Variants in CEMIP observed in about 807,000 individuals in gnomAD.
CEMIP encodes the protein cell migration inducing hyaluronidase 1, also known as cell migration-inducing and hyaluronan-binding protein.
Under a neutral mutation model 156.9 loss-of-function variants are expected in CEMIP, and 105 were observed. That is an observed-to-expected ratio of 0.67 (90% CI 0.57 to 0.79). The LOEUF (loss-of-function observed/expected upper bound fraction) is 0.79. Among genes scored for constraint, CEMIP ranks in the 30% least tolerant of loss-of-function variants. The probability of loss-of-function intolerance (pLI) is 0.00; values close to 1 mark genes in which losing one functional copy is unlikely to be tolerated. For synonymous variants in CEMIP, 676 were observed against 668.4 expected, an observed-to-expected ratio of 1.01 and a Z score of -0.17; for missense variants, 1,457 against 1,769.4, an observed-to-expected ratio of 0.82 and a Z score of 3.17.
Position 80,936,808 on chromosome 15 carries a change from C to T in CEMIP, c.3144C>T (p.Thr1048=). ...THYQQYQPVV[T]LQKGYTIHWD... ...ACCAGCAATACCAACCGGTTGTCAC[C>T]CTGCAGAAGGGCTACACCATCCACT... Residue 1048 remains threonine (T), a synonymous_variant, in exon 24 of 30, where the codon ACC becomes ACT. Transcript: ENST00000394685. 6.2e-7 allele frequency: 1 copy of T among 1,614,156 alleles called. No homozygotes were observed. Among genetic ancestry groups the T allele is most frequent in the Non-Finnish European group, 8.5e-7 (1 of 1,180,046 alleles).
At chr15:80,831,738 T>G (rs1208446729) in intron 1 of CEMIP, among the ~76,000 whole-genome samples, 1 of 152,198 alleles carries the variant, frequency 6.6e-6, no homozygotes, top group East Asian at 1.9e-4. Flanking sequence ...CCAGAGGGGT[T>G]CATGCTGGGC....
chr15:80,905,970 G>A (rs936317502), intron 12 of CEMIP, among the ~76,000 whole-genome samples: 3 of 152,186 alleles, frequency 2.0e-5, no homozygotes, highest in African/African-American at 7.2e-5. Context: ...CACAGTGGTG[G>A]ATGCAGAAGC....
intron 1 of CEMIP, among the ~76,000 whole-genome samples, chr15:80,781,234 A>T (rs1345920295): frequency 2.0e-5 from 3 of 152,218 alleles, no homozygotes; most frequent in Non-Finnish European, 4.4e-5. Flanking sequence ...TGGGATTGGG[A>T]GGATATATTA....
chr15:80,946,985 C>A lies in CEMIP; in HGVS notation c.3878C>A (p.Ser1293Ter). 6.2e-7 allele frequency: 1 copy of A among 1,613,488 alleles called. No homozygotes were observed. Among genetic ancestry groups the A allele is most frequent in the Non-Finnish European group, 8.5e-7 (1 of 1,179,428 alleles). Residue 1293 changes from serine (S) to a stop codon, truncating the protein, a stop_gained, in exon 29 of 30, where the codon TCA becomes TAA. Coordinates refer to ENST00000394685, the MANE Select transcript of CEMIP (RefSeq NM_001293298.2). LOFTEE classifies it high-confidence loss of function. Reference sequence around the variant, plus strand: ...CACAGTTCCATAGTGCTTATGGCATCAAAGGGAAGATACGTCTCCAGAGGC... The same window carrying A: ...CACAGTTCCATAGTGCTTATGGCATAAAAGGGAAGATACGTCTCCAGAGGC... ...IPDNSIVLMA[S>*]KGRYVSRGPW...
chr15:80,926,370 A>T (rs1900668946), intron 19 of CEMIP, among the ~76,000 whole-genome samples: 1 of 152,164 alleles, frequency 6.6e-6, no homozygotes, highest in South Asian at 2.1e-4. Flanking sequence ...TGGAGCTGGG[A>T]TTTGTTTTCA....
chr15:80,884,428 T>C, intron 7 of CEMIP, 74 bp downstream of exon 7: 1 of 1,478,446 alleles, frequency 6.8e-7, no homozygotes, highest in Non-Finnish European at 9.4e-7. Flanking sequence ...GAATTTACCT[T>C]TCCCATCTCC....
intron 1 of CEMIP, among the ~76,000 whole-genome samples, chr15:80,873,005 C>T (rs987763242): frequency 1.3e-5 from 2 of 152,162 alleles, no homozygotes; most frequent in African/African-American, 2.4e-5. Flanking sequence ...CCAGCCATCA[C>T]ATCTTCTTTC....
chr15:80,809,350 A>G (rs1896600095), intron 1 of CEMIP, among the ~76,000 whole-genome samples: 2 of 152,238 alleles, frequency 1.3e-5, no homozygotes, highest in African/African-American at 4.8e-5. Flanking sequence ...ATGTTTATTT[A>G]TATGGGAAAA....
rs533807135 is a variant in CEMIP, at chr15:80,951,719, C to T, written c.*2795C>T. 3 of 153,034 alleles carry T rather than the reference C, an allele frequency of 2.0e-5. No individual in the cohort carries two copies. The East Asian group carries it at 5.8e-4, about 29-fold the overall frequency. 9.5% of individuals were successfully genotyped at this position (153,034 alleles called of 1,614,324 possible). On this transcript the variant is annotated 3_prime_UTR_variant, in exon 30 of 30. Transcript: ENST00000394685. ...GTGTACCTAGAGCCAAGGAAATTGG[C>T]TCTGGTTTGGAAAAATTTTGCTGTT...
chr15:80,855,481 C>T (rs891834934), intron 1 of CEMIP, among the ~76,000 whole-genome samples: 1 of 151,998 alleles, frequency 6.6e-6, no homozygotes, highest in South Asian at 2.1e-4. Flanking sequence ...ATTTTGGTAG[C>T]AAAGTTGTGC....
rs1900631321 is a variant in CEMIP, at chr15:80,925,665, A to G, written c.2330A>G (p.Glu777Gly). The change falls in exon 19 of 30, where the codon GAG becomes GGG. Residue 777 changes from glutamate (E) to glycine (G), a missense_variant. Glu to Gly is a moderately conservative substitution (Grantham distance 98). Around this residue, in one of 5 missense-constraint regions of CEMIP, gnomAD observed 798 missense variants for 980.1 expected, o/e 0.81. Transcript: ENST00000394685. The part of the protein sequence containing the change: ...HQDADPLKPR[E>G]PAIIRHFIAY... ...GACGCCGACCCGCTGAAGCCCCGGG[A>G]GCCGGCCATCATCAGACACTTCATT... 2.5e-6 allele frequency: 4 copies of G among 1,613,708 alleles called. No individual in the cohort carries two copies. Among genetic ancestry groups the G allele is most frequent in the Non-Finnish European group, 3.4e-6 (4 of 1,179,992 alleles).
intron 21 of CEMIP, 61 bp from the exon 22 acceptor site, chr15:80,931,798 T>G: frequency 6.5e-7 from 1 of 1,549,338 alleles, no homozygotes; most frequent in South Asian, 1.1e-5. Context: ...ACGTCTTACT[T>G]CCTTAACTCC....
chr15:80,924,056 C>G (rs183100045), intron 17 of CEMIP, among the ~76,000 whole-genome samples: 190 of 152,316 alleles, frequency 1.2e-3, no homozygotes, highest in African/African-American at 4.4e-3. Flanking sequence ...GGTGGCCTCC[C>G]TGGGCAGCAT....
intron 1 of CEMIP, among the ~76,000 whole-genome samples, chr15:80,783,757 T>C (rs1177937757): frequency 6.6e-6 from 1 of 152,226 alleles, no homozygotes; most frequent in Non-Finnish European, 1.5e-5. Context: ...AGGCCCCTAG[T>C]CCTTCTTTTT....
chr15:80,850,997 G>A (rs1194847740), intron 1 of CEMIP, among the ~76,000 whole-genome samples: 4 of 152,216 alleles, frequency 2.6e-5, no homozygotes, highest in Non-Finnish European at 4.4e-5. Context: ...TTTCACCACA[G>A]CAATGAGACT....
intron 23 of CEMIP, 138 bp from the exon 24 acceptor site, chr15:80,936,536 A>G (rs1312401158): frequency 1.2e-6 from 1 of 808,010 alleles, no homozygotes; most frequent in Non-Finnish European, 2.2e-6. Context: ...CCTTTCTTTC[A>G]TTCAAGCCTT....
chr15:80,820,239 G>A (rs1896878512), intron 1 of CEMIP, among the ~76,000 whole-genome samples: 1 of 152,132 alleles, frequency 6.6e-6, no homozygotes, highest in South Asian at 2.1e-4. Context: ...TGGTAGTGCT[G>A]CTACCCAGAC....
chr15:80,846,156 C>T (rs1304495188), intron 1 of CEMIP, among the ~76,000 whole-genome samples: 3 of 152,200 alleles, frequency 2.0e-5, no homozygotes, highest in East Asian at 1.9e-4. Context: ...TCATGGAATA[C>T]TTTCTATCTA....
rs1898420172 is a variant in CEMIP at position 80,874,950 on chromosome 15, T to C, written c.94+977T>C. On this transcript the variant is annotated intron_variant, in intron 3 of 29. Transcript: ENST00000394685. ...CCCATTGATAGAAGAGAATAATTGATAACTAGTGAAATTCCTTCACTGTGA... is the reference window on the plus strand; with the variant it reads ...CCCATTGATAGAAGAGAATAATTGACAACTAGTGAAATTCCTTCACTGTGA... Among the ~76,000 whole-genome samples the C allele has an allele frequency of 3.3e-5, 5 of 151,762 alleles. No individual in the cohort carries two copies. In the South Asian group the frequency reaches 1.0e-3, roughly 31 times the overall value.
Sources: gnomAD v4.1 joint callset for allele counts (sites outside exome capture counted in the v4.1 genomes callset) on GRCh38, gnomAD v4.1.1 for gene constraint, gnomAD v4.1.1 regional missense constraint, MANE v1.5 for transcripts, NCBI Gene and HGNC (gene_info 2026-07-23, HGNC 2026-07-21) for gene names.